Variants in DNASE1 observed in about 807,000 individuals in gnomAD.
The protein encoded by DNASE1 is deoxyribonuclease-1.
DNASE1 carries 40 observed loss-of-function variants against 33.9 expected under a neutral mutation model. That is an observed-to-expected ratio of 1.18 (90% CI 0.92 to 1.54). The LOEUF (loss-of-function observed/expected upper bound fraction) is 1.54, where lower values mean the gene tolerates loss of function less well. Ranked by LOEUF, DNASE1 falls within the 40% of genes most tolerant of loss-of-function variation. DNASE1 has a pLI of 0.00. For missense variants in DNASE1, 518 were observed against 372.6 expected, an observed-to-expected ratio of 1.39 and a Z score of -3.21; for synonymous variants, 216 against 160.0, an observed-to-expected ratio of 1.35 and a Z score of -2.64.
intron 1 of DNASE1, among the ~76,000 whole-genome samples, chr16:3,619,726 A>G (rs1038407917): frequency 1.3e-5 from 2 of 151,528 alleles, no homozygotes; most frequent in African/African-American, 4.9e-5. Flanking sequence ...GCCCAGGATG[A>G]TCTCAAATTC....
At chr16:3,612,875 G>C (rs1469456229) in intron 1 of DNASE1, among the ~76,000 whole-genome samples, 4 of 151,904 alleles carry the variant, frequency 2.6e-5, no homozygotes, top group Admixed American at 2.0e-4. Context: ...AGTTGTTAAC[G>C]ATTTGCCGGT....
chr16:3,656,172 C>CT lies in DNASE1; in HGVS notation c.308dup (p.Phe104ValfsTer6), dbSNP rs2042599088. On this transcript the variant is annotated frameshift_variant, in exon 4 of 9. Coordinates refer to ENST00000246949, the MANE Select transcript of DNASE1 (RefSeq NM_005223.4). LOFTEE classifies it high-confidence loss of function. Reference sequence around the variant, plus strand: ...ACGGAACAGCTATAAGGAGCGCTACCTGTTCGTGTACAGGTGGGTGGTCTA... The same window carrying CT: ...ACGGAACAGCTATAAGGAGCGCTACCTTGTTCGTGTACAGGTGGGTGGTCTA... 1 of 1,613,946 alleles carries CT rather than the reference C, an allele frequency of 6.2e-7. No individual in the cohort carries two copies. Among genetic ancestry groups the CT allele is most frequent in the Non-Finnish European group, 8.5e-7 (1 of 1,180,008 alleles).
At chr16:3,664,646 T>G in exon 10 of DNASE1, 1 of 610,580 alleles carries the variant, frequency 1.6e-6, no homozygotes, top group Non-Finnish European at 2.7e-6. Flanking sequence ...AGGCCCCTTT[T>G]GGGAGCTCTG....
chr16:3,628,099 A>G (rs2041578601), intron 1 of DNASE1, among the ~76,000 whole-genome samples: 1 of 152,118 alleles, frequency 6.6e-6, no homozygotes. Flanking sequence ...CCTTACTTAT[A>G]TCTTCATTAA....
At chr16:3,662,690 C>G (rs566757082), downstream of DNASE1, 8 of 697,446 alleles carry the variant, frequency 1.1e-5, no homozygotes, top group African/African-American at 7.0e-5. Flanking sequence ...GAGAAAGACA[C>G]GGCCTTCCTG....
chr16:3,645,735 G>C (rs1299465631), intron 1 of DNASE1, among the ~76,000 whole-genome samples: 2 of 152,220 alleles, frequency 1.3e-5, no homozygotes, highest in Admixed American at 6.5e-5. Context: ...TGCAGCTGTT[G>C]TAAGTCTTTG....
At chr16:3,657,564 G>T (rs1022814849) in intron 7 of DNASE1, among the ~76,000 whole-genome samples, 156 bp from the exon 8 acceptor site, 9 of 152,176 alleles carry the variant, frequency 5.9e-5, no homozygotes, top group African/African-American at 1.9e-4. Flanking sequence ...CTGTCATGTG[G>T]TTTCCACATT....
In DNASE1 at chr16:3,664,491, C is replaced by A. The variant is rs143570617; in HGVS notation, c.*6538C>A. On this transcript the variant is annotated 3_prime_UTR_variant, in exon 10 of 10. Coordinates refer to the DNASE1 transcript ENST00000407479. ...GGGACGGGGCAGGTCACCACTTATT[C>A]CAGGCCCATGGGCTCAATGTTGCCC... is the stretch of plus-strand genomic sequence containing the variant. The A allele has an allele frequency of 3.6e-4, 576 of 1,584,964 alleles. 1 individual carries two copies. In the African/African-American group the frequency reaches 7.0e-3, roughly 19 times the overall value.
chr16:3,617,467 C>A (rs540959462), intron 1 of DNASE1, among the ~76,000 whole-genome samples: 1 of 150,104 alleles, frequency 6.7e-6, no homozygotes, highest in Non-Finnish European at 1.5e-5. Flanking sequence ...AAATTAAAAA[C>A]TTTTTTGTGT....
chr16:3,641,912 C>T (rs12920489), upstream of DNASE1, among the ~76,000 whole-genome samples: 3 of 152,216 alleles, frequency 2.0e-5, no homozygotes, highest in African/African-American at 7.2e-5. Context: ...CCAGCCTTCC[C>T]AGCCGTCCCA....
chr16:3,637,835 G>C (rs144208448), intron 1 of DNASE1, among the ~76,000 whole-genome samples: 2 of 152,030 alleles, frequency 1.3e-5, no homozygotes, highest in African/African-American at 4.8e-5. Context: ...TCCTACCCTC[G>C]TTTCCACTCC....
At chr16:3,663,291 C>T in exon 10 of DNASE1, 1 of 1,241,136 alleles carries the variant, frequency 8.1e-7, no homozygotes, top group Non-Finnish European at 1.1e-6. Flanking sequence ...AGGGTGCTCC[C>T]ACAAGGCTCT....
At position 3,643,604 on chromosome 16, in the gene DNASE1, C is replaced by T. The variant is rs1010725643; in HGVS notation, c.-86+568C>T. Among the ~76,000 whole-genome samples the T allele has an allele frequency of 1.1e-4, 16 of 152,294 alleles. 1 individual carries two copies. The highest frequency in any genetic ancestry group is 1.0e-3 in the South Asian group (5 of 4,818). The stretch of plus-strand genomic sequence containing the variant: ...GTCCAGACCCTCCGCCCTTCTGTCA[C>T]GCACAGTCCCTGACACTCAGTTGAA... On this transcript the variant is annotated intron_variant, in intron 1 of 9. Transcript: ENST00000407479.
At chr16:3,645,257 C>T (rs2042139457) in intron 1 of DNASE1, among the ~76,000 whole-genome samples, 1 of 152,196 alleles carries the variant, frequency 6.6e-6, no homozygotes, top group Non-Finnish European at 1.5e-5. Context: ...TTCTGTGGCC[C>T]CCTAGCCTTG....
intron 1 of DNASE1, among the ~76,000 whole-genome samples, chr16:3,615,421 C>T (rs1193825389): frequency 2.0e-5 from 3 of 152,086 alleles, no homozygotes; most frequent in Admixed American, 2.0e-4. Context: ...GGGGTTCATG[C>T]TGTTAGTTAG....
At chr16:3,615,518 T>G (rs1334742075) in intron 1 of DNASE1, among the ~76,000 whole-genome samples, 1 of 152,196 alleles carries the variant, frequency 6.6e-6, no homozygotes, top group Non-Finnish European at 1.5e-5. Context: ...CAGTATTGTG[T>G]GTTCCCTGTC....
At chr16:3,622,088 C>T (rs1308862221) in intron 1 of DNASE1, among the ~76,000 whole-genome samples, 23 of 151,912 alleles carry the variant, frequency 1.5e-4, no homozygotes, top group Non-Finnish European at 2.5e-4. Context: ...GGCATGGTGG[C>T]GCACCCCTGT....
intron 1 of DNASE1, among the ~76,000 whole-genome samples, chr16:3,637,129 A>G (rs904641516): frequency 6.6e-6 from 1 of 152,118 alleles, no homozygotes; most frequent in African/African-American, 2.4e-5. Context: ...ATCTCAAAAA[A>G]AAAAGAAAAG....
At chr16:3,642,213 G>C (rs2042042552), upstream of DNASE1, among the ~76,000 whole-genome samples, 1 of 152,224 alleles carries the variant, frequency 6.6e-6, no homozygotes, top group South Asian at 2.1e-4. Context: ...GAATGGTTCT[G>C]AGTTCTCTGC....
Sources: gnomAD v4.1 joint callset for allele counts (sites outside exome capture counted in the v4.1 genomes callset) on GRCh38, gnomAD v4.1.1 for gene constraint, MANE v1.5 for transcripts, NCBI Gene and HGNC (gene_info 2026-07-23, HGNC 2026-07-21) for gene names.